The following PACRG variants were observed in gnomAD, a reference collection of about 807,000 sequenced individuals.
The protein encoded by PACRG is parkin coregulated.
In PACRG, 29 loss-of-function variants were observed where a neutral mutation model predicts 29.7. That is an observed-to-expected ratio of 0.98 (90% CI 0.73 to 1.33). PACRG has a LOEUF of 1.33. PACRG is among the 40% of genes most tolerant of loss of function. The probability of loss-of-function intolerance (pLI) is 0.00; values close to 1 mark genes in which losing one functional copy is unlikely to be tolerated. For synonymous variants in PACRG, 116 were observed against 118.7 expected (o/e 0.98, Z 0.15); for missense variants, 279 against 316.2 (o/e 0.88, Z 0.89).
intron 4 of PACRG, among the ~76,000 whole-genome samples, chr6:163,252,460 C>T (rs1022289469): frequency 4.6e-5 from 7 of 152,154 alleles, no homozygotes; most frequent in African/African-American, 9.7e-5. Flanking sequence ...AGGCAGGGGC[C>T]GGAGAGGGCT....
intron 2 of PACRG, among the ~76,000 whole-genome samples, chr6:162,824,585 G>A (rs1584465910): frequency 1.3e-5 from 2 of 152,108 alleles, no homozygotes; most frequent in East Asian, 1.9e-4. Flanking sequence ...AGAGATTCGT[G>A]TCAAGATGCT....
intron 1 of PACRG, among the ~76,000 whole-genome samples, chr6:162,791,307 G>GTTTTTTTTTT (rs141410582): frequency 1.0e-3 from 118 of 117,786 alleles, no homozygotes; most frequent in Middle Eastern, 5.0e-3. Context: ...TAGTTTGTTT[G>GTTTTTTTTTT]TTTGTTTTTT....
chr6:163,191,072 A>G (rs1435043618), intron 4 of PACRG: 1 of 423,174 alleles, frequency 2.4e-6, no homozygotes. Context: ...ACAAACAAAC[A>G]AAAAACCTGT....
At chr6:163,171,845 G>A (rs1779102626) in intron 4 of PACRG, among the ~76,000 whole-genome samples, 1 of 152,196 alleles carries the variant, frequency 6.6e-6, no homozygotes, top group Non-Finnish European at 1.5e-5. Flanking sequence ...CACTGCCTGT[G>A]GGGACCCCTT....
chr6:162,874,151 A>ATATATATATAT (rs1554296144), intron 2 of PACRG, among the ~76,000 whole-genome samples: 1 of 136,312 alleles, frequency 7.3e-6, no homozygotes, highest in Admixed American at 7.4e-5. Context: ...AAAAAAAAAA[A>ATATATATATAT]ATATATATAT....
At chr6:162,881,922 G>T (rs187185434) in intron 2 of PACRG, among the ~76,000 whole-genome samples, 1 of 109,660 alleles carries the variant, frequency 9.1e-6, no homozygotes, top group Admixed American at 1.1e-4. Flanking sequence ...CACCAAGATC[G>T]GAGACCACAG....
In PACRG at chr6:163,234,191, G is replaced by A. The variant is rs567237054; in HGVS notation, c.614-80636G>A. 1.1e-4 allele frequency among the ~76,000 whole-genome samples: 17 copies of A among 152,000 alleles called. No individual in the cohort carries two copies. In the South Asian group the frequency reaches 1.9e-3, roughly 17 times the overall value. ...ATGGTTTGGATATAGCTTGTTTGGC[G>A]CTGCCAAGTCTCATGTTGAAATTTG... is the stretch of plus-strand genomic sequence containing the variant. On this transcript the variant is annotated intron_variant, in intron 4 of 4. Coordinates refer to ENST00000366888, the MANE Select transcript of PACRG (RefSeq NM_001080379.2).
chr6:162,789,973 A>C (rs1290095129), intron 1 of PACRG, among the ~76,000 whole-genome samples: 1 of 152,146 alleles, frequency 6.6e-6, no homozygotes, highest in East Asian at 1.9e-4. Context: ...CACATTTAGC[A>C]CTATTGGTTT....
At chr6:163,203,851 T>A (rs1540922) in intron 4 of PACRG, among the ~76,000 whole-genome samples, 2 of 152,054 alleles carry the variant, frequency 1.3e-5, no homozygotes, top group African/African-American at 4.8e-5. Context: ...AATAGAGGTT[T>A]CTGCAAATGA....
intron 4 of PACRG, among the ~76,000 whole-genome samples, chr6:163,243,501 G>A (rs1291488006): frequency 6.6e-6 from 1 of 152,132 alleles, no homozygotes; most frequent in African/African-American, 2.4e-5. Context: ...TGTCAGAAGT[G>A]GCTCTTTTCA....
At chr6:162,785,573 G>T (rs1784402054) in intron 1 of PACRG, among the ~76,000 whole-genome samples, 1 of 148,184 alleles carries the variant, frequency 6.7e-6, no homozygotes, top group South Asian at 2.3e-4. Flanking sequence ...CGGCCAGGGG[G>T]TGAAGGGGTG....
intron 4 of PACRG, among the ~76,000 whole-genome samples, chr6:163,103,962 A>G (rs913736139): frequency 6.6e-6 from 1 of 152,172 alleles, no homozygotes; most frequent in Non-Finnish European, 1.5e-5. Context: ...AGTGGCAGGT[A>G]CTCTGGAAGT....
In PACRG at chr6:162,957,588, T is replaced by C. The variant is rs970946199; in HGVS notation, c.292-104562T>C. The C allele has an allele frequency of 1.3e-4, 24 of 186,174 alleles. No individual in the cohort carries two copies. The Admixed American group carries it at 1.4e-3, about 11-fold the overall frequency. 11.5% of individuals were successfully genotyped at this position (186,174 alleles called of 1,614,324 possible). On this transcript the variant is annotated intron_variant, in intron 2 of 4. Transcript: ENST00000366888. ...TGTCTAAGACCATTCTGAGTGCATG[T>C]AGACAACGACGTCCATGGAAGAGGC...
intron 4 of PACRG, among the ~76,000 whole-genome samples, chr6:163,262,964 T>A (rs920491038): frequency 1.3e-5 from 2 of 149,486 alleles, no homozygotes; most frequent in African/African-American, 2.5e-5. Flanking sequence ...AGGCGGGAGA[T>A]CTCCTGAGAC....
At position 162,970,791 on chromosome 6, in the gene PACRG, C is replaced by A. The variant is rs560539880; in HGVS notation, c.292-91359C>A. On this transcript the variant is annotated intron_variant, in intron 2 of 4. Transcript: ENST00000366888. ...AAATACTTCTCATCACAATTCAGATCCCAAACAGGTAAAAATTACAACATA... is the reference window on the plus strand; with the variant it reads ...AAATACTTCTCATCACAATTCAGATACCAAACAGGTAAAAATTACAACATA... Among the ~76,000 whole-genome samples the A allele has an allele frequency of 6.6e-5, 10 of 151,930 alleles. 1 individual carries two copies. The South Asian group carries it at 2.1e-3, about 32-fold the overall frequency.
At chr6:163,191,235 T>G (rs1780195221) in intron 4 of PACRG, among the ~76,000 whole-genome samples, 1 of 151,982 alleles carries the variant, frequency 6.6e-6, no homozygotes, top group African/African-American at 2.4e-5. Flanking sequence ...AAGCAATAAT[T>G]AAAAAACTAA....
At chr6:163,157,906 C>A (rs1466895318) in intron 4 of PACRG, among the ~76,000 whole-genome samples, 1 of 152,144 alleles carries the variant, frequency 6.6e-6, no homozygotes, top group Admixed American at 6.5e-5. Context: ...CCTTAGTAGA[C>A]AACTAATGAA....
chr6:162,900,435 T>C (rs1264611832), intron 2 of PACRG, among the ~76,000 whole-genome samples: 2 of 152,196 alleles, frequency 1.3e-5, no homozygotes, highest in African/African-American at 4.8e-5. Context: ...TTCAATGAAC[T>C]TACGTTTCAA....
At chr6:162,748,710 T>C (rs528119043) in intron 1 of PACRG, among the ~76,000 whole-genome samples, 13 of 152,110 alleles carry the variant, frequency 8.5e-5, no homozygotes, top group Non-Finnish European at 1.3e-4. Context: ...CCTACTCCCC[T>C]CCCCCAGGTT....
Sources: gnomAD v4.1 joint callset for allele counts (sites outside exome capture counted in the v4.1 genomes callset) on GRCh38, gnomAD v4.1.1 for gene constraint, MANE v1.5 for transcripts, NCBI Gene and HGNC (gene_info 2026-07-23, HGNC 2026-07-21) for gene names.